The following CACNA1D variants were observed in gnomAD, a reference collection of about 807,000 sequenced individuals.
CACNA1D encodes the protein calcium voltage-gated channel subunit alpha1 D.
Under a neutral mutation model 257.1 loss-of-function variants are expected in CACNA1D, and 55 were observed. That is an observed-to-expected ratio of 0.21 (90% CI 0.17 to 0.27). The LOEUF (loss-of-function observed/expected upper bound fraction) is 0.27, where lower values mean the gene tolerates loss of function less well. Ranked by LOEUF, CACNA1D falls within the 10% of genes least tolerant of loss-of-function variation. The probability of loss-of-function intolerance (pLI) is 1.00; values close to 1 mark genes in which losing one functional copy is unlikely to be tolerated. For missense variants in CACNA1D, 1,876 were observed against 2,784.0 expected, an observed-to-expected ratio of 0.67 and a Z score of 7.34; for synonymous variants, 980 against 1,014.9, an observed-to-expected ratio of 0.97 and a Z score of 0.65.
At chr3:53,732,749 TA>T (rs2095010816) in intron 18 of CACNA1D, 65 bp from the exon 19 acceptor site, 1 of 1,459,772 alleles carries the variant, frequency 6.9e-7, no homozygotes, top group Non-Finnish European at 9.6e-7. Context: ...CATGTGAAAT[TA>T]AGAATAATTC....
intron 3 of CACNA1D, among the ~76,000 whole-genome samples, chr3:53,556,794 C>A (rs975405257): frequency 2.6e-5 from 4 of 151,812 alleles, no homozygotes; most frequent in African/African-American, 9.7e-5. Context: ...TGGCTCACTG[C>A]AACTTCTGCC....
chr3:53,718,596 C>T (rs1314841154), intron 10 of CACNA1D: 7 of 951,860 alleles, frequency 7.4e-6, no homozygotes, highest in Middle Eastern at 3.2e-4. Context: ...CCCCGCCCCC[C>T]GGCCCAGCAT....
At chr3:53,805,724 C>CCCTCTTCCCTCCTCCTCCCT (rs1291596437) in intron 45 of CACNA1D, among the ~76,000 whole-genome samples, 3 of 139,688 alleles carry the variant, frequency 2.1e-5, no homozygotes, top group African/African-American at 8.3e-5. Flanking sequence ...TCCTCCTCCT[C>CCCTCTTCCCTCCTCCTCCCT]CATCTTCCCT....
At chr3:53,808,544 C>T in intron 45 of CACNA1D, 105 bp from the exon 46 acceptor site, 2 of 1,387,566 alleles carry the variant, frequency 1.4e-6, no homozygotes, top group Middle Eastern at 1.8e-4. Context: ...CCGCATGCTT[C>T]TTCCTGGGCT....
In CACNA1D at chr3:53,762,031, T is replaced by C; in HGVS notation, c.3820T>C (p.Ser1274Pro). 1 of 1,613,936 alleles carries C rather than the reference T, an allele frequency of 6.2e-7. No homozygotes were observed. Among genetic ancestry groups the C allele is most frequent in the Non-Finnish European group, 8.5e-7 (1 of 1,179,784 alleles). ...TAGTGACGCCTGGAACACGTTTGAC[T>C]CCCTCATCGTAATCGGCAGCATTAT... The part of the protein sequence containing the change: ...YFSDAWNTFD[S>P]LIVIGSIIDV... Residue 1274 changes from serine (S) to proline (P), a missense_variant, in exon 30 of 48, where the codon TCC (serine) becomes CCC (proline). Coordinates refer to ENST00000350061, the MANE Select transcript of CACNA1D (RefSeq NM_001128840.3).
chr3:53,713,756 C>T (rs970187744), intron 9 of CACNA1D, among the ~76,000 whole-genome samples: 1 of 152,168 alleles, frequency 6.6e-6, no homozygotes, highest in East Asian at 1.9e-4. Context: ...AGCACCATGA[C>T]CCACATCCAC....
rs1055135123 is a variant in CACNA1D at position 53,749,483 on chromosome 3, A to T, written c.3516+14A>T. On this transcript the variant is annotated intron_variant, in intron 27 of 47. Coordinates refer to ENST00000350061, the MANE Select transcript of CACNA1D (RefSeq NM_001128840.3). ...GACAAAAATCAGGTTAAAGTCACACACTGTTTTGGCTTCTGTCCCTTGGTC... is the reference window on the plus strand; with the variant it reads ...GACAAAAATCAGGTTAAAGTCACACTCTGTTTTGGCTTCTGTCCCTTGGTC... 6.3e-7 allele frequency: 1 copy of T among 1,590,512 alleles called. No homozygotes were observed. The highest frequency in any genetic ancestry group is 2.2e-5 in the East Asian group (1 of 44,792).
At chr3:53,513,452 T>G (rs1255064302) in intron 3 of CACNA1D, among the ~76,000 whole-genome samples, 1 of 152,024 alleles carries the variant, frequency 6.6e-6, no homozygotes, top group African/African-American at 2.4e-5. Flanking sequence ...GACCAGCTGG[T>G]GAAACCTCGT....
At chr3:53,642,114 T>G (rs750368770) in intron 3 of CACNA1D, among the ~76,000 whole-genome samples, 4 of 152,142 alleles carry the variant, frequency 2.6e-5, no homozygotes, top group Non-Finnish European at 5.9e-5. Context: ...GACTTCAGGC[T>G]CAACTTGATC....
At chr3:53,608,905 T>A (rs2093547818) in intron 3 of CACNA1D, among the ~76,000 whole-genome samples, 1 of 152,252 alleles carries the variant, frequency 6.6e-6, no homozygotes, top group South Asian at 2.1e-4. Flanking sequence ...AGAATTTTTA[T>A]GTCTGTGTAC....
At chr3:53,687,502 G>A (rs2094483385) in intron 8 of CACNA1D, among the ~76,000 whole-genome samples, 1 of 143,282 alleles carries the variant, frequency 7.0e-6, no homozygotes, top group South Asian at 2.3e-4. Context: ...AGTGGAGAAA[G>A]GATACTCTTT....
chr3:53,630,511 C>T (rs2093810558), intron 3 of CACNA1D, among the ~76,000 whole-genome samples: 1 of 152,184 alleles, frequency 6.6e-6, no homozygotes, highest in Non-Finnish European at 1.5e-5. Context: ...AGTTACTAAT[C>T]CAACTGACAT....
At chr3:53,554,719 T>C (rs988090372) in intron 3 of CACNA1D, among the ~76,000 whole-genome samples, 1 of 152,264 alleles carries the variant, frequency 6.6e-6, no homozygotes, top group African/African-American at 2.4e-5. Flanking sequence ...TAAAGCACAT[T>C]GGTGGCTTAC....
chr3:53,574,470 A>T (rs1262846550), intron 3 of CACNA1D, among the ~76,000 whole-genome samples: 2 of 152,176 alleles, frequency 1.3e-5, no homozygotes, highest in Non-Finnish European at 2.9e-5. Flanking sequence ...GATTACATAG[A>T]ACACAAAATG....
intron 23 of CACNA1D, among the ~76,000 whole-genome samples, chr3:53,745,119 G>A (rs1368465184): frequency 1.3e-5 from 2 of 151,768 alleles, no homozygotes; most frequent in Admixed American, 6.6e-5. Context: ...AGTTTATTTA[G>A]TCTTTCAGTT....
At chr3:53,803,742 G>A (rs1249036151) in intron 44 of CACNA1D, among the ~76,000 whole-genome samples, 170 bp downstream of exon 44, 1 of 152,244 alleles carries the variant, frequency 6.6e-6, no homozygotes, top group African/African-American at 2.4e-5. Flanking sequence ...GAGAGCCGCA[G>A]AGAGGCAGGG....
intron 3 of CACNA1D, among the ~76,000 whole-genome samples, chr3:53,571,419 G>A (rs1018451856): frequency 4.6e-5 from 7 of 152,226 alleles, no homozygotes; most frequent in Non-Finnish European, 8.8e-5. Flanking sequence ...GCAGTAGGGT[G>A]GCTGGAGAGA....
chr3:53,540,511 A>G (rs748128980), intron 3 of CACNA1D, among the ~76,000 whole-genome samples: 2 of 151,962 alleles, frequency 1.3e-5, no homozygotes, highest in Admixed American at 6.6e-5. Context: ...CAAATATAGT[A>G]ATTATTATTA....
chr3:53,636,024 T>A (rs2093879429), intron 3 of CACNA1D, among the ~76,000 whole-genome samples: 1 of 152,194 alleles, frequency 6.6e-6, no homozygotes, highest in Non-Finnish European at 1.5e-5. Context: ...GGTTTGCTTC[T>A]TGGGTGTCTG....
Sources: allele counts gnomAD v4.1 joint callset (sites outside exome capture counted in the v4.1 genomes callset), GRCh38; gene constraint gnomAD v4.1.1; transcripts MANE v1.5; gene names NCBI Gene and HGNC (gene_info 2026-07-23, HGNC 2026-07-21).